LTA4H: variants seen among roughly 807,000 people sequenced by gnomAD.
LTA4H encodes leukotriene A4 hydrolase, also known as leukotriene A-4 hydrolase.
Under a neutral mutation model 89.8 loss-of-function variants are expected in LTA4H, and 59 were observed. That is an observed-to-expected ratio of 0.66 (90% CI 0.53 to 0.82). The LOEUF is 0.82. LTA4H is among the 40% of genes least tolerant of loss of function. The pLI is 0.00. For synonymous variants in LTA4H, 227 were observed against 253.1 expected, an observed-to-expected ratio of 0.90 and a Z score of 0.98; for missense variants, 617 against 727.0, an observed-to-expected ratio of 0.85 and a Z score of 1.74.
At chr12:96,040,457 C>T (rs77194456), upstream of LTA4H, among the ~76,000 whole-genome samples, 2,100 of 152,322 alleles carry the variant, frequency 0.014, 55 homozygotes, top group African/African-American at 0.047. Flanking sequence ...GCAGTTAGGC[C>T]ATACCATTAA....
At chr12:96,005,808 G>T (rs756679017) in intron 16 of LTA4H, among the ~76,000 whole-genome samples, 1 of 152,166 alleles carries the variant, frequency 6.6e-6, no homozygotes, top group Non-Finnish European at 1.5e-5. Context: ...GAGTACAGGG[G>T]TGTGATCTCG....
intron 1 of LTA4H, among the ~76,000 whole-genome samples, chr12:96,034,554 T>G (rs551231253): frequency 6.6e-6 from 1 of 152,192 alleles, no homozygotes; most frequent in African/African-American, 2.4e-5. Context: ...CTTAGAAAAT[T>G]TGAACGTCCC....
intron 15 of LTA4H, among the ~76,000 whole-genome samples, chr12:96,007,423 T>TG (rs1950219998): frequency 6.6e-6 from 1 of 152,160 alleles, no homozygotes; most frequent in African/African-American, 2.4e-5. Flanking sequence ...GTAACCTGGA[T>TG]GGGTCAGCAA....
At chr12:96,019,490 A>G (rs1950425709) in intron 6 of LTA4H, among the ~76,000 whole-genome samples, 1 of 152,092 alleles carries the variant, frequency 6.6e-6, no homozygotes, top group Non-Finnish European at 1.5e-5. Context: ...AGGTGTCCCC[A>G]ATTAGTTTAT....
chr12:96,019,317 T>C, intron 6 of LTA4H, 77 bp from the exon 7 acceptor site: 1 of 1,252,850 alleles, frequency 8.0e-7, no homozygotes, highest in East Asian at 2.3e-5. Context: ...AGTTAATGTC[T>C]TGTAGACAAA....
At position 96,013,448 on chromosome 12, in the gene LTA4H, G is replaced by A. The variant is rs114000874; in HGVS notation, c.1309-190C>T. ...TGTGTATACTTATGTGACACAATGC[G>A]ATGTTTTGATATATGTACTCAATGT... On this transcript the variant is annotated intron_variant, in intron 13 of 18. Coordinates refer to ENST00000228740, the MANE Select transcript of LTA4H (RefSeq NM_000895.3). Among the ~76,000 whole-genome samples the A allele has an allele frequency of 7.9e-3, 1,204 of 152,188 alleles. 22 individuals are homozygous for A. Among genetic ancestry groups the A allele is most frequent in the African/African-American group, 0.027 (1,133 of 41,530 alleles).
chr12:96,024,653 G>A, intron 3 of LTA4H, 106 bp from the exon 4 acceptor site: 1 of 665,902 alleles, frequency 1.5e-6, no homozygotes, highest in Non-Finnish European at 2.5e-6. Flanking sequence ...AATAAAAACA[G>A]TCCTCATTTC....
chr12:96,035,642 G>T (rs1022667009), upstream of LTA4H: 3 of 1,433,364 alleles, frequency 2.1e-6, no homozygotes, highest in Non-Finnish European at 2.8e-6. Context: ...CGCGGTGCAC[G>T]CCGGGAAAGG....
intron 2 of LTA4H, 26 bp from the exon 3 acceptor site, chr12:96,027,590 G>A (rs1472303211): frequency 6.9e-7 from 1 of 1,444,866 alleles, no homozygotes; most frequent in African/African-American, 1.4e-5. Flanking sequence ...AAATATATTA[G>A]TAGAGTATGA....
chr12:96,038,093 G>A (rs1472370201), upstream of LTA4H, among the ~76,000 whole-genome samples: 1 of 152,174 alleles, frequency 6.6e-6, no homozygotes, highest in Non-Finnish European at 1.5e-5. Flanking sequence ...AGTTTCTGCA[G>A]AAGGATCGAC....
chr12:96,014,008 A>G (rs1592879030), intron 12 of LTA4H, 155 bp from the exon 13 acceptor site: 3 of 530,276 alleles, frequency 5.7e-6, no homozygotes, highest in Admixed American at 7.6e-5. Context: ...GAATGTTCAA[A>G]AAAGGAGGTG....
At position 96,022,726 on chromosome 12, in the gene LTA4H, G is replaced by A. The variant is rs1950468318; in HGVS notation, c.481-475C>T. ...GCCTCAGTTTCCCCATCAAGTAAGTGTAAAACTTCAAAGGCTTGCTGCAAG... is the reference window on the plus strand; with the variant it reads ...GCCTCAGTTTCCCCATCAAGTAAGTATAAAACTTCAAAGGCTTGCTGCAAG... On this transcript the variant is annotated intron_variant, in intron 4 of 18. Transcript: ENST00000228740. The surrounding 1 kb of genome is among the most constrained non-coding windows in gnomAD (Gnocchi z 4.0). Among the ~76,000 whole-genome samples, 1 of 152,098 alleles carries A rather than the reference G, an allele frequency of 6.6e-6. No individual in the cohort carries two copies. The highest frequency in any genetic ancestry group is 1.5e-5 in the Non-Finnish European group (1 of 68,004).
chr12:96,027,529 G>T lies in LTA4H; in HGVS notation c.326C>A (p.Thr109Asn). The T allele has an allele frequency of 1.3e-6, 2 of 1,600,000 alleles. No individual in the cohort carries two copies. The highest frequency in any genetic ancestry group is 1.7e-6 in the Non-Finnish European group (2 of 1,168,410). The change falls in exon 3 of 19, where the codon ACC (threonine) becomes AAC (asparagine). Residue 109 changes from threonine (T) to asparagine (N), a missense_variant. By Grantham distance (65) the Thr-to-Asn change is moderately conservative (BLOSUM62 0). Around this residue, in one of 3 missense-constraint regions of LTA4H, gnomAD observed 155 missense variants for 143.3 expected, o/e 1.08. Transcript: ENST00000228740. ...QEIVIEISFE[T>N]SPKSSALQWL... Reference sequence around the variant, plus strand: ...CTGGAGAGCAGAAGATTTTGGAGAGGTCTCAAAAGAAATTTCTATAACAAT... The same window carrying T: ...CTGGAGAGCAGAAGATTTTGGAGAGTTCTCAAAAGAAATTTCTATAACAAT...
chr12:96,003,027 C>G lies in LTA4H; in HGVS notation c.1651G>C (p.Ala551Pro). 6.2e-7 allele frequency: 1 copy of G among 1,604,408 alleles called. No individual in the cohort carries two copies. Among genetic ancestry groups the G allele is most frequent in the Non-Finnish European group, 8.5e-7 (1 of 1,174,976 alleles). ...GCCATCTTTAGCGCCAAAGGAATTG[C>G]GTCCTCCCACTTGGATTGAATGCAG... ...RLCIQSKWED[A>P]IPLALKMATE... The change falls in exon 18 of 19, where the codon GCA (alanine) becomes CCA (proline). Residue 551 changes from alanine to proline, a missense_variant. By Grantham distance (27) the Ala-to-Pro change is conservative (BLOSUM62 -1). Transcript: ENST00000228740.
chr12:96,029,706 C>G (rs1366330403), intron 1 of LTA4H, among the ~76,000 whole-genome samples: 1 of 152,106 alleles, frequency 6.6e-6, no homozygotes, highest in East Asian at 1.9e-4. Flanking sequence ...GATTGGGAGG[C>G]CATATCTACT....
intron 4 of LTA4H, among the ~76,000 whole-genome samples, chr12:96,023,651 G>A (rs905033303): frequency 3.9e-5 from 6 of 152,164 alleles, no homozygotes; most frequent in Non-Finnish European, 8.8e-5. Flanking sequence ...TATTTGCTTG[G>A]TCTAAGTAGG....
In LTA4H at chr12:96,015,711, T is replaced by G. The variant is rs1950364665; in HGVS notation, c.948-17A>C. On this transcript the variant is annotated splice_polypyrimidine_tract_variant and intron_variant, in intron 10 of 18. Transcript: ENST00000228740. The stretch of plus-strand genomic sequence containing the variant: ...TCATTTAACCTGAAAAAAAAATATT[T>G]TAATAAAAACACGGACACAGCTGAG... 6.9e-7 allele frequency: 1 copy of G among 1,450,932 alleles called. No individual in the cohort carries two copies. The highest frequency in any genetic ancestry group is 9.6e-7 in the Non-Finnish European group (1 of 1,038,250). 89.9% of individuals were successfully genotyped at this position (1,450,932 alleles called of 1,614,324 possible). A position where few individuals can be genotyped will look rare whatever the true frequency, so the allele number is the denominator to read the frequency against.
Position 96,013,866 on chromosome 12 carries a change from AAG to A in LTA4H, c.1205-15_1205-14del. ...CCTAGGAAAATCTCTAAGAGTAAAA[AAG>A]AAAAGAAATCAATTCATAGAAAGGT... is the stretch of plus-strand genomic sequence containing the variant. On this transcript the variant is annotated splice_polypyrimidine_tract_variant and intron_variant, in intron 12 of 18. Transcript: ENST00000228740. 8.6e-7 allele frequency: 1 copy of A among 1,165,122 alleles called. No homozygotes were observed. Among genetic ancestry groups the A allele is most frequent in the Non-Finnish European group, 1.3e-6 (1 of 794,840 alleles). 72.2% of individuals were successfully genotyped at this position (1,165,122 alleles called of 1,614,324 possible).
rs1282390237 is a variant in LTA4H at position 96,000,971 on chromosome 12, T to G, written c.*18A>C. 3 of 1,451,016 alleles carry G rather than the reference T, an allele frequency of 2.1e-6. No homozygotes were observed. In the East Asian group the frequency reaches 6.8e-5, roughly 33 times the overall value. The allele number at this position is 1,451,016 out of a possible 1,614,324, so 89.9% of individuals were successfully genotyped here. A position where few individuals can be genotyped will look rare whatever the true frequency, so the allele number is the denominator to read the frequency against. On this transcript the variant is annotated 3_prime_UTR_variant, in exon 19 of 19. Transcript: ENST00000228740. ...ATTTAAAAAAGAGAAATCTCTAAAA[T>G]CATCAATACGCAGGTCTTTAATCCA...
Sources: gnomAD v4.1 joint callset for allele counts (sites outside exome capture counted in the v4.1 genomes callset) on GRCh38, gnomAD v4.1.1 for gene constraint, gnomAD v4.1.1 regional missense constraint, Gnocchi (gnomAD v3.1) non-coding constraint, MANE v1.5 for transcripts, NCBI Gene and HGNC (gene_info 2026-07-23, HGNC 2026-07-21) for gene names.